Variants in HS1BP3 observed in about 807,000 individuals in gnomAD.
HS1BP3 encodes the protein HCLS1-binding protein 3.
In HS1BP3, 32 loss-of-function variants were observed where a neutral mutation model predicts 33.5. The observed-to-expected ratio is 0.95, with a 90% CI of 0.72 to 1.28. HS1BP3 has a LOEUF of 1.28. HS1BP3 is among the 50% of genes most tolerant of loss of function. The probability of loss-of-function intolerance (pLI) is 0.00; values close to 1 mark genes in which losing one functional copy is unlikely to be tolerated. For missense variants in HS1BP3, 486 were observed against 502.3 expected (o/e 0.97, Z 0.31); for synonymous variants, 187 against 209.2 (o/e 0.89, Z 0.92).
Position 20,623,917 on chromosome 2 carries a change from TC to T in HS1BP3, c.898del (p.Asp300ThrfsTer17). 1 of 1,612,358 alleles carries T rather than the reference TC, an allele frequency of 6.2e-7. No homozygotes were observed. Among genetic ancestry groups the T allele is most frequent in the Non-Finnish European group, 8.5e-7 (1 of 1,179,880 alleles). ...GGPTPSLSHR[D>X]ASKELFRVEE... ...GTACCTGAACAGTTCCTTGGAGGCG[TC>T]CCTGTGGCTGAGGCTGGGTGTGGGC... On this transcript the variant is annotated frameshift_variant, in exon 6 of 7. Transcript: ENST00000304031. LOFTEE classifies it high-confidence loss of function.
At chr2:20,623,066 G>A (rs1299855658) in intron 6 of HS1BP3, 2 of 152,436 alleles carry the variant, frequency 1.3e-5, no homozygotes, top group Non-Finnish European at 2.9e-5. Flanking sequence ...CTGGAGCATG[G>A]AGTGGGAGCT....
chr2:20,598,782 T>A (rs1694005688), intron 2 of HS1BP3, among the ~76,000 whole-genome samples: 2 of 151,946 alleles, frequency 1.3e-5, no homozygotes, highest in Non-Finnish European at 2.9e-5. Flanking sequence ...ATGGTCTCGA[T>A]CTCCTGACCT....
intron 2 of HS1BP3, 71 bp from the exon 3 acceptor site, chr2:20,641,251 G>A (rs936795186): frequency 1.4e-6 from 2 of 1,424,934 alleles, no homozygotes; most frequent in African/African-American, 1.4e-5. Flanking sequence ...ACCCCGACCA[G>A]GGGTTCCCAA....
At chr2:20,572,598 T>C (rs1287316349) in intron 5 of HS1BP3, among the ~76,000 whole-genome samples, 4 of 152,158 alleles carry the variant, frequency 2.6e-5, no homozygotes, top group Admixed American at 1.3e-4. Context: ...AGTATCCTTA[T>C]CTGTAAAATG....
exon 6 of HS1BP3, chr2:20,560,483 T>C (rs1339161408): frequency 6.6e-6 from 1 of 152,340 alleles, no homozygotes; most frequent in Non-Finnish European, 1.5e-5. Flanking sequence ...GCAGTTGCTC[T>C]GTGCACATTG....
chr2:20,614,301 T>C (rs1694374483), downstream of HS1BP3, among the ~76,000 whole-genome samples: 1 of 152,146 alleles, frequency 6.6e-6, no homozygotes, highest in East Asian at 1.9e-4. Flanking sequence ...TACATTCCTG[T>C]GGTTTAAAGC....
chr2:20,592,575 C>G (rs150809992), downstream of HS1BP3: 111 of 160,036 alleles, frequency 6.9e-4, no homozygotes, highest in Middle Eastern at 6.8e-3. Flanking sequence ...GCAGTCATAG[C>G]AAATGACCAC....
chr2:20,625,284 A>G (rs1694744424), intron 4 of HS1BP3, among the ~76,000 whole-genome samples: 1 of 152,230 alleles, frequency 6.6e-6, no homozygotes, highest in Non-Finnish European at 1.5e-5. Context: ...GGCTGCCAGG[A>G]CCGGGCACCA....
intron 2 of HS1BP3, among the ~76,000 whole-genome samples, chr2:20,604,975 A>G (rs895790948): frequency 2.0e-5 from 3 of 152,182 alleles, no homozygotes; most frequent in African/African-American, 4.8e-5. Context: ...GTCCCACGGG[A>G]GAAAAGGAAA....
At chr2:20,582,127 G>A (rs148658276) in intron 5 of HS1BP3, among the ~76,000 whole-genome samples, 24 of 152,308 alleles carry the variant, frequency 1.6e-4, no homozygotes, top group East Asian at 5.8e-4. Flanking sequence ...ATAAGTCACC[G>A]GTGCCCCCAC....
At chr2:20,620,870 AC>A (rs1477525580) in intron 6 of HS1BP3, among the ~76,000 whole-genome samples, 2 of 152,008 alleles carry the variant, frequency 1.3e-5, no homozygotes, top group East Asian at 1.9e-4. Context: ...AATGAGGGAC[AC>A]CCCCCAGCCC....
At chr2:20,587,639 G>C (rs1204059898), downstream of HS1BP3, among the ~76,000 whole-genome samples, 1 of 152,180 alleles carries the variant, frequency 6.6e-6, no homozygotes, top group Non-Finnish European at 1.5e-5. Context: ...CTGTGCACTC[G>C]GGAGGCCGAG....
At chr2:20,639,714 C>A (rs1288728219) in intron 3 of HS1BP3, among the ~76,000 whole-genome samples, 2 of 152,214 alleles carry the variant, frequency 1.3e-5, no homozygotes, top group East Asian at 3.8e-4. Context: ...GAGAGAGATC[C>A]CTACTGTACA....
downstream of HS1BP3, among the ~76,000 whole-genome samples, chr2:20,616,829 C>T (rs1694437426): frequency 6.6e-6 from 1 of 152,164 alleles, no homozygotes; most frequent in African/African-American, 2.4e-5. Flanking sequence ...CTAACACAGG[C>T]TGGAATGGGT....
intron 5 of HS1BP3, among the ~76,000 whole-genome samples, chr2:20,575,315 A>T (rs1693372969): frequency 6.6e-6 from 1 of 152,204 alleles, no homozygotes; most frequent in African/African-American, 2.4e-5. Flanking sequence ...AGGGCTAGGG[A>T]CAGGAAGGCC....
intron 5 of HS1BP3, among the ~76,000 whole-genome samples, chr2:20,585,302 G>A (rs1274828378): frequency 1.3e-5 from 2 of 152,208 alleles, no homozygotes; most frequent in Admixed American, 1.3e-4. Context: ...TTTACATAGT[G>A]TGGCCATATG....
At chr2:20,593,236 A>G (rs760761736) in intron 3 of HS1BP3, among the ~76,000 whole-genome samples, 5 of 152,100 alleles carry the variant, frequency 3.3e-5, no homozygotes, top group Admixed American at 6.5e-5. Flanking sequence ...CACATTGTCT[A>G]AACTTGCAAC....
intron 5 of HS1BP3, among the ~76,000 whole-genome samples, chr2:20,576,768 A>G (rs1330422487): frequency 6.6e-6 from 1 of 152,228 alleles, no homozygotes; most frequent in African/African-American, 2.4e-5. Context: ...CACTGAGTCT[A>G]CACTATTTCT....
At chr2:20,564,561 G>A (rs564097430) in intron 5 of HS1BP3, among the ~76,000 whole-genome samples, 1 of 152,248 alleles carries the variant, frequency 6.6e-6, no homozygotes, top group East Asian at 1.9e-4. Context: ...TTGGCTGACT[G>A]CAATCTCCAC....
Sources: allele counts gnomAD v4.1 joint callset (sites outside exome capture counted in the v4.1 genomes callset), GRCh38; gene constraint gnomAD v4.1.1; transcripts MANE v1.5; gene names NCBI Gene and HGNC (gene_info 2026-07-23, HGNC 2026-07-21).